The following MTMR8 variants were observed in gnomAD, a reference collection of about 807,000 sequenced individuals.
MTMR8 encodes the protein phosphatidylinositol-3,5-bisphosphate 3-phosphatase MTMR8.
Under a neutral mutation model 39.3 loss-of-function variants are expected in MTMR8, and 65 were observed. The ratio of observed to expected loss-of-function variants is 1.65; its 90% CI spans 1.35 to 2.03. The LOEUF is 2.03. MTMR8 is among the 30% of genes most tolerant of loss of function. The pLI is 0.00. For synonymous variants in MTMR8, 245 were observed against 185.2 expected, an observed-to-expected ratio of 1.32 and a Z score of -2.62; for missense variants, 777 against 538.9, an observed-to-expected ratio of 1.44 and a Z score of -4.37.
At chrX:64,386,101 A>G (rs1924550385) in intron 1 of MTMR8, among the ~76,000 whole-genome samples, 1 of 111,645 alleles carries the variant, frequency 9.0e-6, no homozygotes, top group African/African-American at 3.3e-5. Flanking sequence ...CCTGACAAAA[A>G]AAAAAAGTAA....
At chrX:64,335,755 G>A in intron 10 of MTMR8, among the ~76,000 whole-genome samples, 1 of 111,800 alleles carries the variant, frequency 8.9e-6, no homozygotes, top group Non-Finnish European at 1.9e-5. Flanking sequence ...CAAATGCTGT[G>A]TACTCCTGGA....
At chrX:64,335,883 AG>A (rs1467420992) in intron 10 of MTMR8, among the ~76,000 whole-genome samples, 195 bp downstream of exon 10, 2 of 112,377 alleles carry the variant, frequency 1.8e-5, no homozygotes, top group East Asian at 5.6e-4. Context: ...CCTTGAAAAC[AG>A]GGATAATATT....
At chrX:64,275,310 G>C (rs1171403870) in intron 12 of MTMR8, among the ~76,000 whole-genome samples, 1 of 110,579 alleles carries the variant, frequency 9.0e-6, no homozygotes, top group African/African-American at 3.3e-5. Context: ...TCAGGAACTA[G>C]GAAAAGAACA....
At chrX:64,300,809 A>C (rs1448321589) in intron 12 of MTMR8, among the ~76,000 whole-genome samples, 1 of 105,862 alleles carries the variant, frequency 9.4e-6, no homozygotes, top group Non-Finnish European at 2.0e-5. Context: ...TTGTCTGTAA[A>C]GTATTTTATT....
At chrX:64,373,037 T>C (rs763328784) in intron 1 of MTMR8, among the ~76,000 whole-genome samples, 1 of 111,871 alleles carries the variant, frequency 8.9e-6, no homozygotes, top group East Asian at 2.8e-4. Flanking sequence ...TGATAAACAC[T>C]GTGCTATACT....
intron 12 of MTMR8, among the ~76,000 whole-genome samples, chrX:64,286,561 C>A (rs62611783): frequency 0.02 from 2,227 of 111,973 alleles, 23 homozygotes; most frequent in Middle Eastern, 0.037. Context: ...CAAAAATCCT[C>A]AATAAAATAC....
At chrX:64,275,463 A>G (rs1391065432) in intron 12 of MTMR8, among the ~76,000 whole-genome samples, 1 of 109,561 alleles carries the variant, frequency 9.1e-6, no homozygotes, top group Non-Finnish European at 1.9e-5. Flanking sequence ...TGGGAGGCCA[A>G]GGCAGGAGAA....
chrX:64,303,806 C>A (rs1921985356), intron 12 of MTMR8, among the ~76,000 whole-genome samples: 1 of 112,267 alleles, frequency 8.9e-6, no homozygotes, highest in Admixed American at 9.5e-5. Context: ...GCATGGTATT[C>A]TAACACAACT....
intron 12 of MTMR8, among the ~76,000 whole-genome samples, chrX:64,325,181 G>C (rs1922757892): frequency 8.9e-6 from 1 of 111,936 alleles, no homozygotes; most frequent in Non-Finnish European, 1.9e-5. Context: ...TCGCATCAAA[G>C]AAAAGCCCAG....
intron 12 of MTMR8, among the ~76,000 whole-genome samples, chrX:64,273,298 AGAG>A (rs1931801721): frequency 9.0e-6 from 1 of 111,175 alleles, no homozygotes; most frequent in East Asian, 2.8e-4. Flanking sequence ...TGAATAACAT[AGAG>A]AAGAAGAAAA....
At chrX:64,302,324 A>G (rs1390831203) in intron 12 of MTMR8, among the ~76,000 whole-genome samples, 1 of 111,973 alleles carries the variant, frequency 8.9e-6, no homozygotes, top group Non-Finnish European at 1.9e-5. Flanking sequence ...GAGTGACCCA[A>G]TTTTCCAGGT....
At chrX:64,279,947 A>T (rs1470220738) in intron 12 of MTMR8, among the ~76,000 whole-genome samples, 1 of 112,003 alleles carries the variant, frequency 8.9e-6, no homozygotes, top group Non-Finnish European at 1.9e-5. Flanking sequence ...AAAGAATGAA[A>T]CTGAAATGAA....
intron 12 of MTMR8, among the ~76,000 whole-genome samples, chrX:64,311,389 T>C (rs1389581247): frequency 2.7e-5 from 3 of 111,666 alleles, no homozygotes; most frequent in African/African-American, 9.8e-5. Context: ...AGATTCTGGA[T>C]ATTAGCCCTT....
At chrX:64,354,640 C>G in intron 4 of MTMR8, 137 bp downstream of exon 4, 1 of 619,783 alleles carries the variant, frequency 1.6e-6, no homozygotes, top group Non-Finnish European at 2.4e-6. Context: ...CAATAAATGT[C>G]TGTTGAATGG....
At chrX:64,322,360 A>G (rs1320055009) in intron 12 of MTMR8, among the ~76,000 whole-genome samples, 1 of 111,057 alleles carries the variant, frequency 9.0e-6, no homozygotes, top group Non-Finnish European at 1.9e-5. Context: ...TTGGCCAGGG[A>G]TATTCCTTTT....
chrX:64,389,334 A>G (rs1924638484), intron 1 of MTMR8, among the ~76,000 whole-genome samples: 1 of 111,566 alleles, frequency 9.0e-6, no homozygotes, highest in African/African-American at 3.3e-5. Flanking sequence ...GGTGTCTCAA[A>G]TGATGAAAAT....
chrX:64,360,452 C>A (rs1443445128), intron 1 of MTMR8: 3 of 271,368 alleles, frequency 1.1e-5, no homozygotes, highest in Non-Finnish European at 2.0e-5. Flanking sequence ...CTGAAAAACT[C>A]AAGCTATTAT....
chrX:64,284,565 A>T (rs1921081838), intron 12 of MTMR8, among the ~76,000 whole-genome samples: 1 of 111,908 alleles, frequency 8.9e-6, no homozygotes, highest in Non-Finnish European at 1.9e-5. Flanking sequence ...TGTTAAGGGC[A>T]GCCAGAGAGA....
At chrX:64,296,010 T>C (rs997707016) in intron 12 of MTMR8, among the ~76,000 whole-genome samples, 1 of 112,166 alleles carries the variant, frequency 8.9e-6, no homozygotes, top group African/African-American at 3.2e-5. Flanking sequence ...TGAATACCAA[T>C]ATTCATAGAC....
Sources: gnomAD v4.1 joint callset for allele counts (sites outside exome capture counted in the v4.1 genomes callset) on GRCh38, gnomAD v4.1.1 for gene constraint, MANE v1.5 for transcripts, NCBI Gene and HGNC (gene_info 2026-07-23, HGNC 2026-07-21) for gene names.